The following ART3 variants were observed in gnomAD, a reference collection of about 807,000 sequenced individuals.
ART3 encodes ADP-ribosyltransferase 3 (inactive), also known as ecto-ADP-ribosyltransferase 3.
A neutral mutation model predicts 48.5 loss-of-function variants in ART3; 49 were observed. The ratio of observed to expected loss-of-function variants is 1.01; its 90% CI spans 0.80 to 1.28. ART3 has a LOEUF of 1.28. ART3 is among the 50% of genes most tolerant of loss of function. The pLI is 0.00. For missense variants in ART3, 438 were observed against 454.3 expected (o/e 0.96, Z 0.33); for synonymous variants, 145 against 157.2 (o/e 0.92, Z 0.58).
At chr4:76,023,581 G>T in intron 1 of ART3, 1 of 619,500 alleles carries the variant, frequency 1.6e-6, no homozygotes, top group South Asian at 2.4e-5. Context: ...CATTACAGTT[G>T]ACTTAGCAAA....
intron 1 of ART3, among the ~76,000 whole-genome samples, chr4:76,042,592 C>T (rs1401662425): frequency 6.6e-6 from 1 of 152,064 alleles, no homozygotes; most frequent in African/African-American, 2.4e-5. Context: ...CACGGACCCT[C>T]GCGGTGAGTG....
intron 1 of ART3, among the ~76,000 whole-genome samples, chr4:76,067,235 A>G (rs374263847): frequency 2.0e-5 from 3 of 152,236 alleles, no homozygotes; most frequent in Non-Finnish European, 1.5e-5. Context: ...CTAAAATCAA[A>G]GTTGTCATGA....
At chr4:76,075,988 A>G (rs1720956998) in intron 2 of ART3, 30 bp downstream of exon 2, 2 of 1,423,712 alleles carry the variant, frequency 1.4e-6, no homozygotes, top group African/African-American at 3.0e-5. Context: ...GCATGTGGTC[A>G]TTGGAATGGA....
intron 1 of ART3, among the ~76,000 whole-genome samples, chr4:76,053,220 C>T (rs6532157): frequency 0.59 from 89,058 of 151,970 alleles, 26,946 homozygotes; most frequent in East Asian, 0.94. Flanking sequence ...TCTATCTTGT[C>T]ACTGGAATTG....
intron 1 of ART3, among the ~76,000 whole-genome samples, chr4:76,016,733 A>T (rs537906926): frequency 6.6e-6 from 1 of 152,306 alleles, no homozygotes; most frequent in South Asian, 2.1e-4. Flanking sequence ...CAAAAACCTT[A>T]GATATCTCCC....
chr4:76,016,633 A>AG (rs1241776808), intron 1 of ART3, among the ~76,000 whole-genome samples: 1 of 152,200 alleles, frequency 6.6e-6, no homozygotes, highest in African/African-American at 2.4e-5. Flanking sequence ...TGGAAAAGTC[A>AG]GCCAGGCTTA....
chr4:76,032,718 G>T (rs1733988834), intron 1 of ART3, among the ~76,000 whole-genome samples: 1 of 151,592 alleles, frequency 6.6e-6, no homozygotes, highest in Admixed American at 6.6e-5. Flanking sequence ...CTGAGTAGCT[G>T]GGATTACAGG....
chr4:76,075,063 A>G (rs1042036512), intron 1 of ART3, among the ~76,000 whole-genome samples: 1 of 152,242 alleles, frequency 6.6e-6, no homozygotes, highest in South Asian at 2.1e-4. Context: ...AAAATGATCT[A>G]TAAAAGGGAA....
At chr4:76,094,398 T>G (rs1210223962) in intron 3 of ART3, among the ~76,000 whole-genome samples, 8 of 152,238 alleles carry the variant, frequency 5.3e-5, no homozygotes, top group Admixed American at 5.2e-4. Flanking sequence ...TTTTCCTGCT[T>G]CTTTGCTGGT....
At chr4:76,026,182 T>C (rs1295777683) in intron 1 of ART3, among the ~76,000 whole-genome samples, 1 of 152,026 alleles carries the variant, frequency 6.6e-6, no homozygotes, top group Non-Finnish European at 1.5e-5. Flanking sequence ...AGAGAGTTCC[T>C]TCTGGACATT....
chr4:76,057,980 C>G (rs1718852156), intron 1 of ART3: 1 of 152,156 alleles, frequency 6.6e-6, no homozygotes, highest in South Asian at 2.1e-4. Context: ...ATGTTTTAGT[C>G]TCTCTTCAGA....
intron 6 of ART3, 141 bp downstream of exon 6, chr4:76,100,461 T>C: frequency 1.1e-6 from 1 of 877,816 alleles, no homozygotes; most frequent in Non-Finnish European, 1.8e-6. Context: ...TAAAACCCCA[T>C]CTTTACTAAA....
chr4:76,040,919 C>G (rs994405033), intron 1 of ART3, among the ~76,000 whole-genome samples: 3 of 152,212 alleles, frequency 2.0e-5, no homozygotes, highest in African/African-American at 7.2e-5. Context: ...CTCTCTCCTT[C>G]TATAACACTC....
At chr4:76,059,211 A>G (rs1718954548) in intron 1 of ART3, among the ~76,000 whole-genome samples, 1 of 152,154 alleles carries the variant, frequency 6.6e-6, no homozygotes, top group Non-Finnish European at 1.5e-5. Context: ...TAAAATATGT[A>G]AAGAGACAGC....
chr4:76,047,345 G>A lies in ART3; in HGVS notation c.-9-28536G>A, dbSNP rs528303262. On this transcript the variant is annotated intron_variant, in intron 1 of 9. Coordinates refer to the ART3 transcript ENST00000341029. ...CTCTTGGTCCCTATTATAGGACACC[G>A]AGGTTGCCAGGTTTAATAATGCCTC... 3.2e-3 allele frequency among the ~76,000 whole-genome samples: 484 copies of A among 151,946 alleles called. 5 individuals are homozygous for A. The highest frequency in any genetic ancestry group is 5.4e-3 in the Non-Finnish European group (366 of 67,898).
intron 1 of ART3, among the ~76,000 whole-genome samples, chr4:76,062,319 A>T (rs988664862): frequency 7.9e-4 from 120 of 152,232 alleles, no homozygotes; most frequent in African/African-American, 2.8e-3. Context: ...TTGTTACTTC[A>T]TGGGGGTTTC....
chr4:76,022,026 G>A (rs1316714802), intron 1 of ART3: 3 of 1,299,676 alleles, frequency 2.3e-6, no homozygotes, highest in South Asian at 1.2e-5. Context: ...GGAAAGTACC[G>A]AGTTCATAGA....
intron 3 of ART3, among the ~76,000 whole-genome samples, chr4:76,083,749 G>T (rs1170982825): frequency 6.6e-6 from 1 of 152,204 alleles, no homozygotes. Context: ...CTGATTACAG[G>T]TCATTGACTT....
chr4:76,112,410 G>C lies in ART3; in HGVS notation c.1061G>C (p.Gly354Ala). ...GCTCCAGGTCCAGTTCCTGTTCCAG[G>C]TCCCAAAAGCCATCCTTCTGCATCC... ...NPTPGPVPVP[G>A]PKSHPSASSG... The change falls in exon 12 of 12, where the codon GGT (glycine) becomes GCT (alanine). Residue 354 changes from glycine to alanine, a missense_variant. This residue lies in a region of ART3 where 227 missense variants were observed against 229.6 expected (regional missense o/e 0.99). Transcript: ENST00000355810. 6.2e-7 allele frequency: 1 copy of C among 1,613,888 alleles called. No homozygotes were observed. The highest frequency in any genetic ancestry group is 8.5e-7 in the Non-Finnish European group (1 of 1,179,930).
Sources: allele counts gnomAD v4.1 joint callset (sites outside exome capture counted in the v4.1 genomes callset), GRCh38; gene constraint gnomAD v4.1.1; regional missense constraint gnomAD v4.1.1; transcripts MANE v1.5; gene names NCBI Gene and HGNC (gene_info 2026-07-23, HGNC 2026-07-21).